The following FOCAD variants were observed in gnomAD, a reference collection of about 807,000 sequenced individuals.
FOCAD encodes focadhesin, also known as KIAA1797.
A neutral mutation model predicts 225.6 loss-of-function variants in FOCAD; 198 were observed. The ratio of observed to expected loss-of-function variants is 0.88; its 90% CI spans 0.78 to 0.99. The LOEUF is 0.99. FOCAD is among the 50% of genes least tolerant of loss of function. The pLI, the probability that FOCAD is intolerant of heterozygous loss-of-function variation, is 0.00. For missense variants in FOCAD, 2,713 were observed against 2,123.6 expected, an observed-to-expected ratio of 1.28 and a Z score of -5.46; for synonymous variants, 897 against 755.0, an observed-to-expected ratio of 1.19 and a Z score of -3.08.
intron 11 of FOCAD, among the ~76,000 whole-genome samples, chr9:20,812,732 A>G (rs1478529370): frequency 1.3e-5 from 2 of 152,086 alleles, no homozygotes; most frequent in East Asian, 1.9e-4. Context: ...ATAAACTCCT[A>G]TCCACATTTT....
At chr9:20,826,180 A>G (rs1031529558) in intron 15 of FOCAD, among the ~76,000 whole-genome samples, 1 of 152,120 alleles carries the variant, frequency 6.6e-6, no homozygotes, top group African/African-American at 2.4e-5. Context: ...GGTTTTGCCA[A>G]AAGAGATTAA....
chr9:20,790,654 C>A (rs946800507), intron 11 of FOCAD, among the ~76,000 whole-genome samples: 2 of 152,056 alleles, frequency 1.3e-5, no homozygotes, highest in Non-Finnish European at 2.9e-5. Flanking sequence ...ACCTGTAATC[C>A]CAGCTGCTCA....
intron 11 of FOCAD, among the ~76,000 whole-genome samples, chr9:20,807,564 T>TTA (rs1046986903): frequency 1.3e-5 from 2 of 152,242 alleles, no homozygotes; most frequent in South Asian, 2.1e-4. Flanking sequence ...CTGAAGTATG[T>TTA]TATATATATG....
chr9:20,749,084 T>A (rs1468486169), intron 5 of FOCAD, among the ~76,000 whole-genome samples: 3 of 152,132 alleles, frequency 2.0e-5, no homozygotes, highest in Non-Finnish European at 4.4e-5. Flanking sequence ...GATCCCTAAG[T>A]ACATTTATGT....
chr9:20,783,332 A>G (rs1819591246), intron 10 of FOCAD, among the ~76,000 whole-genome samples: 3 of 152,112 alleles, frequency 2.0e-5, no homozygotes, highest in Admixed American at 2.0e-4. Context: ...GGCTTTGAGT[A>G]GATATATGAT....
At chr9:20,969,933 T>C (rs1471690143) in intron 35 of FOCAD, among the ~76,000 whole-genome samples, 1 of 151,622 alleles carries the variant, frequency 6.6e-6, no homozygotes, top group Non-Finnish European at 1.5e-5. Flanking sequence ...GTATATGTCT[T>C]AATTTCTCCC....
intron 8 of FOCAD, among the ~76,000 whole-genome samples, chr9:20,771,525 G>A (rs1011277228): frequency 3.3e-5 from 5 of 151,598 alleles, no homozygotes; most frequent in East Asian, 4.2e-4. Flanking sequence ...TTGGGAGGCC[G>A]AGGCAGGCAG....
intron 27 of FOCAD, among the ~76,000 whole-genome samples, chr9:20,930,427 T>A (rs192666487): frequency 1.3e-3 from 196 of 152,358 alleles, no homozygotes; most frequent in Non-Finnish European, 1.4e-3. Context: ...AGCCCTGTTT[T>A]CCTACTTTGG....
At chr9:20,809,557 A>G (rs549375640) in intron 11 of FOCAD, among the ~76,000 whole-genome samples, 6 of 152,290 alleles carry the variant, frequency 3.9e-5, no homozygotes, top group African/African-American at 1.2e-4. Context: ...ATGAAAATCA[A>G]TCATTATCTA....
chr9:20,660,543 A>G (rs1421715356), intron 2 of FOCAD, among the ~76,000 whole-genome samples: 4 of 152,234 alleles, frequency 2.6e-5, no homozygotes, highest in Non-Finnish European at 5.9e-5. Context: ...AGAAGTCAGT[A>G]TAAAATCTGA....
intron 7 of FOCAD, among the ~76,000 whole-genome samples, chr9:20,768,257 T>C (rs538754842): frequency 0.012 from 1,878 of 150,426 alleles, 34 homozygotes; most frequent in African/African-American, 0.043. Flanking sequence ...AGTCAGGTAG[T>C]GTGATGCCTC....
intron 11 of FOCAD, among the ~76,000 whole-genome samples, chr9:20,796,105 G>C (rs1345805558): frequency 1.3e-5 from 2 of 152,062 alleles, no homozygotes; most frequent in African/African-American, 4.8e-5. Flanking sequence ...GAGAATGATG[G>C]TTTCCAGCTT....
At chr9:20,841,889 A>G (rs139999680) in intron 15 of FOCAD, among the ~76,000 whole-genome samples, 2 of 151,846 alleles carry the variant, frequency 1.3e-5, no homozygotes, top group Admixed American at 1.3e-4. Context: ...GGTGCTTACT[A>G]CTATTGACTT....
intron 15 of FOCAD, among the ~76,000 whole-genome samples, chr9:20,860,615 C>G (rs936046304): frequency 1.6e-4 from 25 of 152,184 alleles, no homozygotes; most frequent in African/African-American, 5.8e-4. Context: ...ACTGCAACCT[C>G]CGCCTCCTGG....
intron 5 of FOCAD, among the ~76,000 whole-genome samples, chr9:20,742,011 G>A (rs1396844425): frequency 6.6e-6 from 1 of 152,096 alleles, no homozygotes; most frequent in Non-Finnish European, 1.5e-5. Flanking sequence ...GTATGATTCA[G>A]TGACTTTTAC....
At chr9:20,840,145 CT>C (rs1473212349) in intron 15 of FOCAD, among the ~76,000 whole-genome samples, 1 of 151,990 alleles carries the variant, frequency 6.6e-6, no homozygotes, top group Non-Finnish European at 1.5e-5. Context: ...TATTCTGGGT[CT>C]TTCATGGTTC....
At chr9:20,703,185 G>A (rs1208273395) in intron 1 of FOCAD, among the ~76,000 whole-genome samples, 1 of 151,910 alleles carries the variant, frequency 6.6e-6, no homozygotes, top group African/African-American at 2.4e-5. Context: ...AGGCTATGGG[G>A]GTGGTGGGGG....
At chr9:20,877,094 A>C (rs1830286724) in intron 19 of FOCAD, among the ~76,000 whole-genome samples, 1 of 152,206 alleles carries the variant, frequency 6.6e-6, no homozygotes, top group South Asian at 2.1e-4. Context: ...TATTAAAACC[A>C]GAAAATTGAC....
At chr9:20,896,434 G>T (rs1245144247) in intron 21 of FOCAD, among the ~76,000 whole-genome samples, 1 of 151,882 alleles carries the variant, frequency 6.6e-6, no homozygotes, top group Non-Finnish European at 1.5e-5. Context: ...TTGGGAATTG[G>T]TGTGATATCC....
Sources: allele counts gnomAD v4.1 joint callset (sites outside exome capture counted in the v4.1 genomes callset), GRCh38; gene constraint gnomAD v4.1.1; transcripts MANE v1.5; gene names NCBI Gene and HGNC (gene_info 2026-07-23, HGNC 2026-07-21).